ADAMTS18: variants seen among roughly 807,000 people sequenced by gnomAD.
ADAMTS18 encodes ADAM metallopeptidase with thrombospondin type 1 motif 18, also known as A disintegrin and metalloproteinase with thrombospondin motifs 18.
A neutral mutation model predicts 165.9 loss-of-function variants in ADAMTS18; 157 were observed. That is an observed-to-expected ratio of 0.95 (90% CI 0.83 to 1.08). ADAMTS18 has a LOEUF of 1.08. Among genes scored for constraint, ADAMTS18 ranks in the 50% least tolerant of loss-of-function variants. The probability of loss-of-function intolerance (pLI) is 0.00; values close to 1 mark genes in which losing one functional copy is unlikely to be tolerated. For synonymous variants in ADAMTS18, 782 were observed against 578.2 expected, an observed-to-expected ratio of 1.35 and a Z score of -5.06; for missense variants, 2,040 against 1,534.0, an observed-to-expected ratio of 1.33 and a Z score of -5.51.
rs547500806 is a variant in ADAMTS18 at position 77,326,916 on chromosome 16, T to C, written c.1860-878A>G. ...TTTGGGTCCATATGTACTCAATGTTTAGCTCCCACTTATAAGGAAGAATAT... is the reference window on the plus strand; with the variant it reads ...TTTGGGTCCATATGTACTCAATGTTCAGCTCCCACTTATAAGGAAGAATAT... On this transcript the variant is annotated intron_variant, in intron 12 of 22. Coordinates refer to ENST00000282849, the MANE Select transcript of ADAMTS18 (RefSeq NM_199355.4). 9.7e-4 allele frequency among the ~76,000 whole-genome samples: 148 copies of C among 152,324 alleles called. 1 individual carries two copies. The highest frequency in any genetic ancestry group is 3.4e-3 in the African/African-American group (141 of 41,576).
intron 7 of ADAMTS18, among the ~76,000 whole-genome samples, chr16:77,360,086 A>G (rs563385360): frequency 6.6e-6 from 1 of 152,284 alleles, no homozygotes; most frequent in East Asian, 1.9e-4. Flanking sequence ...TTTGGGTCCT[A>G]ATAATCAGTA....
intron 3 of ADAMTS18, among the ~76,000 whole-genome samples, chr16:77,400,398 C>T (rs2057310455): frequency 6.7e-6 from 1 of 150,152 alleles, no homozygotes; most frequent in Non-Finnish European, 1.5e-5. Flanking sequence ...GGGTAGAACC[C>T]AGTGAACATC....
At chr16:77,387,414 G>C (rs1288670504) in intron 3 of ADAMTS18, among the ~76,000 whole-genome samples, 2 of 152,058 alleles carry the variant, frequency 1.3e-5, no homozygotes, top group Non-Finnish European at 2.9e-5. Flanking sequence ...AATATGTCTA[G>C]GCTTCCAGAT....
In ADAMTS18 at chr16:77,431,520, C is replaced by G; in HGVS notation, c.270G>C (p.Ala90=). 1 of 1,614,168 alleles carries G rather than the reference C, an allele frequency of 6.2e-7. No homozygotes were observed. Among genetic ancestry groups the G allele is most frequent in the Admixed American group, 1.7e-5 (1 of 60,020 alleles). Residue 90 remains alanine, a synonymous_variant, in exon 3 of 23, where the codon GCG becomes GCC. Coordinates refer to ENST00000282849, the MANE Select transcript of ADAMTS18 (RefSeq NM_199355.4). Reference sequence around the variant, plus strand: ...AGTGCAGGGAGCTTCTGGCATTCTGCGCCGATCGCTTTTTCCTGCCGTTGT... The same window carrying G: ...AGTGCAGGGAGCTTCTGGCATTCTGGGCCGATCGCTTTTTCCTGCCGTTGT... ...ILHNGRKKRS[A]QNARSSLHYR... is the part of the protein sequence containing the mutation.
At position 77,369,141 on chromosome 16, in the gene ADAMTS18, G is replaced by A. The variant is rs1036063599; in HGVS notation, c.496-1418C>T. Among the ~76,000 whole-genome samples, 4 of 152,106 alleles carry A rather than the reference G, an allele frequency of 2.6e-5. No homozygotes were observed. In the South Asian group the frequency reaches 8.3e-4, roughly 32 times the overall value. On this transcript the variant is annotated intron_variant, in intron 3 of 22. Transcript: ENST00000282849. ...CCAAACCTGCTGGATCAAAGTCTATGCTTTATTGATATCCTCACATGTTTA... is the reference window on the plus strand; with the variant it reads ...CCAAACCTGCTGGATCAAAGTCTATACTTTATTGATATCCTCACATGTTTA...
intron 3 of ADAMTS18, among the ~76,000 whole-genome samples, chr16:77,421,011 C>A (rs1034562060): frequency 1.1e-4 from 16 of 152,172 alleles, no homozygotes; most frequent in African/African-American, 3.4e-4. Flanking sequence ...TATCTCAATC[C>A]CTTTCAAGTG....
At chr16:77,415,240 C>T (rs2057515178) in intron 3 of ADAMTS18, among the ~76,000 whole-genome samples, 2 of 152,224 alleles carry the variant, frequency 1.3e-5, no homozygotes, top group Admixed American at 1.3e-4. Context: ...TGCTTGCCTG[C>T]TTCCTCTATG....
intron 20 of ADAMTS18, 115 bp from the exon 21 acceptor site, chr16:77,291,593 C>A: frequency 9.4e-7 from 1 of 1,059,150 alleles, no homozygotes; most frequent in Non-Finnish European, 1.5e-6. Context: ...GATGGGATTA[C>A]ACAAGGTCAA....
intron 3 of ADAMTS18, among the ~76,000 whole-genome samples, chr16:77,398,723 C>T (rs971757912): frequency 6.6e-6 from 1 of 152,046 alleles, no homozygotes; most frequent in African/African-American, 2.4e-5. Context: ...GTACACACCC[C>T]GAAATATGAT....
At chr16:77,324,830 C>T (rs899910285) in intron 13 of ADAMTS18, among the ~76,000 whole-genome samples, 1 of 152,180 alleles carries the variant, frequency 6.6e-6, no homozygotes, top group Non-Finnish European at 1.5e-5. Context: ...TTCTCATGTA[C>T]AGTAAACCTC....
intron 12 of ADAMTS18, among the ~76,000 whole-genome samples, chr16:77,333,478 G>A (rs2650892): frequency 0.84 from 125,322 of 149,354 alleles, 52,681 homozygotes; most frequent in East Asian, 0.95. Flanking sequence ...AAATAATAAT[G>A]AAAAAAGAAA....
At position 77,434,442 on chromosome 16, in the gene ADAMTS18, T is replaced by C; in HGVS notation, c.154A>G (p.Ser52Gly). 1 of 1,574,034 alleles carries C rather than the reference T, an allele frequency of 6.4e-7. No individual in the cohort carries two copies. ...CCATCATTTAATCCGCTGGCGCCGC[T>C]GCTGCTGTCACTGGCTAAGGCCGCG... ...VAAALASDSS[S>G]GASGLNDDYV... Residue 52 changes from serine to glycine, a missense_variant, in exon 2 of 23, where the codon AGC (serine) becomes GGC (glycine). Ser to Gly is a moderately conservative substitution (Grantham distance 56). Transcript: ENST00000282849.
chr16:77,388,952 C>G (rs1047856978), intron 3 of ADAMTS18, among the ~76,000 whole-genome samples: 2 of 152,140 alleles, frequency 1.3e-5, no homozygotes, highest in African/African-American at 4.8e-5. Context: ...CAGCAGTCAA[C>G]TAAATGAAGA....
At chr16:77,410,160 T>G (rs2057442748) in intron 3 of ADAMTS18, among the ~76,000 whole-genome samples, 1 of 152,172 alleles carries the variant, frequency 6.6e-6, no homozygotes, top group South Asian at 2.1e-4. Context: ...ATACCCATTC[T>G]TCCTAGATAT....
At chr16:77,416,244 T>C (rs187904503) in intron 3 of ADAMTS18, among the ~76,000 whole-genome samples, 161 of 152,172 alleles carry the variant, frequency 1.1e-3, no homozygotes, top group Non-Finnish European at 1.4e-3. Flanking sequence ...TCTGGGGATG[T>C]TGAAAGGCAG....
chr16:77,402,639 A>G (rs1053639042), intron 3 of ADAMTS18, among the ~76,000 whole-genome samples: 5 of 152,252 alleles, frequency 3.3e-5, no homozygotes, highest in African/African-American at 9.6e-5. Flanking sequence ...ATTTATTTAC[A>G]TGCCTTCCCT....
intron 16 of ADAMTS18, among the ~76,000 whole-genome samples, chr16:77,301,940 TAA>T (rs35810036): frequency 6.8e-6 from 1 of 146,718 alleles, no homozygotes; most frequent in African/African-American, 2.5e-5. Context: ...CAGTTGCCAA[TAA>T]AAAAAAATCT....
chr16:77,315,997 C>G (rs944614974), intron 16 of ADAMTS18, among the ~76,000 whole-genome samples: 4 of 152,150 alleles, frequency 2.6e-5, no homozygotes, highest in African/African-American at 9.7e-5. Context: ...TAAAACCATC[C>G]TCCAGATGCT....
At chr16:77,376,650 T>C (rs1461189028) in intron 3 of ADAMTS18, among the ~76,000 whole-genome samples, 1 of 152,222 alleles carries the variant, frequency 6.6e-6, no homozygotes, top group Non-Finnish European at 1.5e-5. Flanking sequence ...TTCCATTATG[T>C]GACTTAGCTG....
Sources: gnomAD v4.1 joint callset for allele counts (sites outside exome capture counted in the v4.1 genomes callset) on GRCh38, gnomAD v4.1.1 for gene constraint, MANE v1.5 for transcripts, NCBI Gene and HGNC (gene_info 2026-07-23, HGNC 2026-07-21) for gene names.